The following KLHL1 variants were observed in gnomAD, a reference collection of about 807,000 sequenced individuals.
The protein encoded by KLHL1 is kelch like family member 1.
KLHL1 carries 47 observed loss-of-function variants against 77.7 expected under a neutral mutation model. The observed-to-expected ratio is 0.60, with a 90% CI of 0.48 to 0.77. The LOEUF (loss-of-function observed/expected upper bound fraction) is 0.77, where lower values mean the gene tolerates loss of function less well. KLHL1 is among the 30% of genes least tolerant of loss of function. The pLI, the probability that KLHL1 is intolerant of heterozygous loss-of-function variation, is 0.00. For synonymous variants in KLHL1, 360 were observed against 325.2 expected (o/e 1.11, Z -1.15); for missense variants, 925 against 910.8 (o/e 1.02, Z -0.20).
chr13:69,845,531 C>T (rs1030773246), intron 5 of KLHL1, among the ~76,000 whole-genome samples: 22 of 151,644 alleles, frequency 1.5e-4, no homozygotes, highest in African/African-American at 5.1e-4. Context: ...TGAGCAATTT[C>T]AACTTAAATA....
chr13:70,045,592 A>T (rs2137384814), intron 1 of KLHL1, among the ~76,000 whole-genome samples: 1 of 152,118 alleles, frequency 6.6e-6, no homozygotes, highest in African/African-American at 2.4e-5. Context: ...ACACACACAC[A>T]CAAGGAATCC....
chr13:70,099,517 A>G (rs7993612), intron 1 of KLHL1, among the ~76,000 whole-genome samples: 23,820 of 151,952 alleles, frequency 0.16, 1,991 homozygotes, highest in Non-Finnish European at 0.17. Context: ...TAAAGTAAGT[A>G]TAATGGATGA....
chr13:69,940,082 T>C lies in KLHL1; in HGVS notation c.972A>G (p.Gln324=), dbSNP rs1387172202. The part of the protein sequence containing the change: ...CLGIRAFADA[Q]GCIELMKVAH... ...CCACCTTCATTAACTCAATGCATCC[T>C]TGAGCATCTGCGAAGGCTCGAATTC... is the stretch of plus-strand genomic sequence containing the variant. Residue 324 remains glutamine (Q), a synonymous_variant, in exon 4 of 11, where the codon CAA becomes CAG. Transcript: ENST00000377844. 12 of 1,612,588 alleles carry C rather than the reference T, an allele frequency of 7.4e-6. No homozygotes were observed. The highest frequency in any genetic ancestry group is 1.3e-5 in the African/African-American group (1 of 74,948).
intron 9 of KLHL1, among the ~76,000 whole-genome samples, chr13:69,714,302 C>CAGA (rs1271887631): frequency 6.6e-6 from 1 of 152,008 alleles, no homozygotes; most frequent in Non-Finnish European, 1.5e-5. Flanking sequence ...GAGTTGTTGA[C>CAGA]AGAACAAAAA....
intron 4 of KLHL1, among the ~76,000 whole-genome samples, chr13:69,884,894 C>T (rs1467276868): frequency 3.3e-5 from 5 of 149,840 alleles, no homozygotes; most frequent in African/African-American, 1.2e-4. Flanking sequence ...TCAGACAGCT[C>T]TGATAATAGT....
intron 5 of KLHL1, among the ~76,000 whole-genome samples, chr13:69,862,989 G>GT (rs1880232530): frequency 6.6e-6 from 1 of 152,036 alleles, no homozygotes; most frequent in African/African-American, 2.4e-5. Flanking sequence ...CAAAAAGTAT[G>GT]TTTTTATGTT....
At chr13:69,730,358 C>G (rs755813423) in intron 8 of KLHL1, among the ~76,000 whole-genome samples, 1 of 151,812 alleles carries the variant, frequency 6.6e-6, no homozygotes, top group Non-Finnish European at 1.5e-5. Context: ...ATACTTCTCA[C>G]CCATATTAGG....
At position 69,885,895 on chromosome 13, in the gene KLHL1, T is replaced by C. The variant is rs111699725; in HGVS notation, c.1015-3400A>G. 5.3e-4 allele frequency among the ~76,000 whole-genome samples: 80 copies of C among 152,238 alleles called. 1 individual carries two copies. The highest frequency in any genetic ancestry group is 1.8e-3 in the African/African-American group (75 of 41,534). On this transcript the variant is annotated intron_variant, in intron 4 of 10. Transcript: ENST00000377844. ...AGCTTTTCAAGTGGACCTAAAATATTAGAAAGGAGTTTAAACCAGAAAATG... is the reference window on the plus strand; with the variant it reads ...AGCTTTTCAAGTGGACCTAAAATATCAGAAAGGAGTTTAAACCAGAAAATG...
chr13:69,801,018 C>T (rs959186016), intron 6 of KLHL1, among the ~76,000 whole-genome samples: 13 of 152,094 alleles, frequency 8.5e-5, no homozygotes, highest in African/African-American at 2.4e-4. Flanking sequence ...AAGGTGAAGT[C>T]GAATTACTCT....
chr13:69,948,385 T>C (rs114990628), intron 3 of KLHL1, among the ~76,000 whole-genome samples: 159 of 152,206 alleles, frequency 1.0e-3, no homozygotes, highest in African/African-American at 3.5e-3. Flanking sequence ...TTGTGTCACA[T>C]AATCATGCCT....
intron 1 of KLHL1, among the ~76,000 whole-genome samples, chr13:70,033,029 C>A (rs1262653426): frequency 6.6e-6 from 1 of 152,094 alleles, no homozygotes; most frequent in Non-Finnish European, 1.5e-5. Flanking sequence ...TCTGTAAATA[C>A]ATTTTTTCAA....
At chr13:70,092,701 T>C (rs1887697364) in intron 1 of KLHL1, among the ~76,000 whole-genome samples, 1 of 152,148 alleles carries the variant, frequency 6.6e-6, no homozygotes, top group South Asian at 2.1e-4. Context: ...AATTTGATCA[T>C]GATGTTATAC....
chr13:69,752,113 G>A (rs1380596006), intron 7 of KLHL1, among the ~76,000 whole-genome samples: 1 of 152,028 alleles, frequency 6.6e-6, no homozygotes, highest in African/African-American at 2.4e-5. Context: ...TATATACAAA[G>A]CACTTAGAAA....
intron 1 of KLHL1, among the ~76,000 whole-genome samples, chr13:70,054,057 T>C (rs1454070066): frequency 6.6e-6 from 1 of 152,136 alleles, no homozygotes; most frequent in Non-Finnish European, 1.5e-5. Context: ...ATTCTTTTAA[T>C]GGCATTAGCT....
At chr13:70,067,444 T>G (rs941108097) in intron 1 of KLHL1, among the ~76,000 whole-genome samples, 2 of 152,134 alleles carry the variant, frequency 1.3e-5, no homozygotes, top group Admixed American at 1.3e-4. Context: ...ACACAGCCAC[T>G]AAGGGTTACA....
intron 3 of KLHL1, among the ~76,000 whole-genome samples, chr13:69,944,543 A>G (rs1566430207): frequency 6.6e-6 from 1 of 152,214 alleles, no homozygotes; most frequent in Non-Finnish European, 1.5e-5. Flanking sequence ...ATCACCCAAC[A>G]TAGCATTCTA....
At chr13:69,983,589 A>AAAAAAAAAAAAAG (rs1216543322) in intron 1 of KLHL1, among the ~76,000 whole-genome samples, 2 of 132,166 alleles carry the variant, frequency 1.5e-5, no homozygotes, top group African/African-American at 7.5e-5. Flanking sequence ...AAAAAAAAAA[A>AAAAAAAAAAAAAG]AAGAAGAAGA....
chr13:69,717,023 T>A (rs1763551628), intron 9 of KLHL1, among the ~76,000 whole-genome samples: 1 of 152,140 alleles, frequency 6.6e-6, no homozygotes, highest in African/African-American at 2.4e-5. Flanking sequence ...TCTCATTCAG[T>A]CCCTGCCTTC....
chr13:69,788,521 G>T lies in KLHL1; in HGVS notation c.1639+8217C>A, dbSNP rs556010582. Among the ~76,000 whole-genome samples the T allele has an allele frequency of 6.6e-5, 10 of 152,182 alleles. No homozygotes were observed. The South Asian group carries it at 1.0e-3, about 16-fold the overall frequency. On this transcript the variant is annotated intron_variant, in intron 7 of 10. Coordinates refer to ENST00000377844, the MANE Select transcript of KLHL1 (RefSeq NM_020866.3). ...CTTCGGGGACTGTTGTGGGGTCAGGGGAGGTGGGAGGGATAGCATTAGGAG... is the reference window on the plus strand; with the variant it reads ...CTTCGGGGACTGTTGTGGGGTCAGGTGAGGTGGGAGGGATAGCATTAGGAG...
Sources: gnomAD v4.1 joint callset for allele counts (sites outside exome capture counted in the v4.1 genomes callset) on GRCh38, gnomAD v4.1.1 for gene constraint, MANE v1.5 for transcripts, NCBI Gene and HGNC (gene_info 2026-07-23, HGNC 2026-07-21) for gene names.